The following GFRA1 variants were observed in gnomAD, a reference collection of about 807,000 sequenced individuals.
The protein encoded by GFRA1 is GDNF family receptor alpha-1.
A neutral mutation model predicts 51.6 loss-of-function variants in GFRA1; 16 were observed. That is an observed-to-expected ratio of 0.31 (90% CI 0.21 to 0.47). The LOEUF (loss-of-function observed/expected upper bound fraction) is 0.47, where lower values mean the gene tolerates loss of function less well. GFRA1 is among the 20% of genes least tolerant of loss of function. The pLI, the probability that GFRA1 is intolerant of heterozygous loss-of-function variation, is 1.00. For missense variants in GFRA1, 530 were observed against 594.3 expected (o/e 0.89, Z 1.13); for synonymous variants, 270 against 241.3 (o/e 1.12, Z -1.10).
intron 5 of GFRA1, among the ~76,000 whole-genome samples, chr10:116,189,612 G>A (rs1963068797): frequency 6.6e-6 from 1 of 152,098 alleles, no homozygotes; most frequent in Non-Finnish European, 1.5e-5. Flanking sequence ...ACATAAACAG[G>A]TTCTGAAATT....
At position 116,057,702 on chromosome 10, in the gene GFRA1, C is replaced by T; in HGVS notation, c.*6696G>A. ...AGAAGAAGATAGATAATGAGGAGAA[C>T]TATAAGGCCCTGGATTCAGGTTTCT... is the stretch of plus-strand genomic sequence containing the variant. On this transcript the variant is annotated 3_prime_UTR_variant, in exon 11 of 11. Transcript: ENST00000355422. 1 of 151,222 alleles carries T rather than the reference C, an allele frequency of 6.6e-6. No homozygotes were observed. The highest frequency in any genetic ancestry group is 2.0e-4 in the East Asian group (1 of 5,098). The allele number at this position is 151,222 out of a possible 1,614,324, so 9.4% of individuals were successfully genotyped here. A position where few individuals can be genotyped will look rare whatever the true frequency, so the allele number is the denominator to read the frequency against.
Position 116,061,903 on chromosome 10 carries a change from A to G in GFRA1, c.*2495T>C, listed in dbSNP as rs1481445777. 3 of 398,050 alleles carry G rather than the reference A, an allele frequency of 7.5e-6. No individual in the cohort carries two copies. The highest frequency in any genetic ancestry group is 1.3e-5 in the Non-Finnish European group (3 of 225,948). 24.7% of individuals were successfully genotyped at this position (398,050 alleles called of 1,614,324 possible). A position where few individuals can be genotyped will look rare whatever the true frequency, so the allele number is the denominator to read the frequency against. ...GAAACCTTGCTTGGCTTGCTTTGAT[A>G]AGAATCTCTCTAACGTGTTGTCCCT... On this transcript the variant is annotated 3_prime_UTR_variant, in exon 11 of 11. Transcript: ENST00000355422.
intron 5 of GFRA1, among the ~76,000 whole-genome samples, chr10:116,138,782 G>A (rs559436487): frequency 6.6e-6 from 1 of 152,104 alleles, no homozygotes; most frequent in South Asian, 2.1e-4. Flanking sequence ...TTTTAATGGA[G>A]TGTTGGTGAG....
At chr10:116,129,295 C>G (rs1470025473) in intron 5 of GFRA1, among the ~76,000 whole-genome samples, 2 of 152,152 alleles carry the variant, frequency 1.3e-5, no homozygotes, top group African/African-American at 4.8e-5. Context: ...CTTTAGTAAA[C>G]TGTATTTAGC....
intron 5 of GFRA1, among the ~76,000 whole-genome samples, chr10:116,135,221 C>G (rs1958272244): frequency 6.6e-6 from 1 of 152,214 alleles, no homozygotes; most frequent in Admixed American, 6.5e-5. Context: ...GGCAGCTTAG[C>G]GTTATTTAAT....
At chr10:116,214,258 T>C (rs1965410915) in intron 4 of GFRA1, among the ~76,000 whole-genome samples, 1 of 152,256 alleles carries the variant, frequency 6.6e-6, no homozygotes, top group Non-Finnish European at 1.5e-5. Flanking sequence ...TTTCCACTTC[T>C]GTGCTCCTGG....
At chr10:116,068,135 A>G (rs1280604488) in intron 9 of GFRA1, among the ~76,000 whole-genome samples, 3 of 152,226 alleles carry the variant, frequency 2.0e-5, no homozygotes, top group Non-Finnish European at 4.4e-5. Flanking sequence ...GGATGCTCTG[A>G]GAAAATGCCT....
chr10:116,195,895 C>A (rs1565642601), intron 5 of GFRA1, among the ~76,000 whole-genome samples: 1 of 152,162 alleles, frequency 6.6e-6, no homozygotes, highest in African/African-American at 2.4e-5. Flanking sequence ...CTAAACTTCT[C>A]TGAATGTATG....
At chr10:116,126,960 G>A (rs183985947) in intron 5 of GFRA1, among the ~76,000 whole-genome samples, 7 of 152,216 alleles carry the variant, frequency 4.6e-5, no homozygotes, top group East Asian at 3.9e-4. Context: ...GATAAACCTC[G>A]AGGACATTAT....
upstream of GFRA1, among the ~76,000 whole-genome samples, chr10:116,273,668 TC>T (rs1844113880): frequency 2.1e-4 from 13 of 61,582 alleles, no homozygotes; most frequent in African/African-American, 8.9e-4. Context: ...TCTCTCTCTC[TC>T]TGTCTCTCTC....
chr10:116,075,706 T>A (rs1955589213), intron 9 of GFRA1, among the ~76,000 whole-genome samples: 1 of 152,184 alleles, frequency 6.6e-6, no homozygotes, highest in Non-Finnish European at 1.5e-5. Flanking sequence ...TGATCACTTG[T>A]CAGGCATCAG....
chr10:116,085,066 A>G (rs1956035373), intron 9 of GFRA1, among the ~76,000 whole-genome samples: 2 of 152,192 alleles, frequency 1.3e-5, no homozygotes, highest in Admixed American at 1.3e-4. Context: ...TCAGGGGGTT[A>G]GCACTTGGAC....
At chr10:116,083,032 C>T (rs1384271227) in intron 9 of GFRA1, among the ~76,000 whole-genome samples, 1 of 152,134 alleles carries the variant, frequency 6.6e-6, no homozygotes, top group African/African-American at 2.4e-5. Flanking sequence ...ACCAAGAGCT[C>T]AGTGGTGTTT....
intron 5 of GFRA1, among the ~76,000 whole-genome samples, chr10:116,130,864 A>G (rs1165068411): frequency 6.6e-6 from 1 of 152,170 alleles, no homozygotes; most frequent in African/African-American, 2.4e-5. Context: ...AGCTAGACAA[A>G]TATTTCTGAG....
chr10:116,169,548 A>G (rs1960826740), intron 5 of GFRA1, among the ~76,000 whole-genome samples: 1 of 152,224 alleles, frequency 6.6e-6, no homozygotes, highest in South Asian at 2.1e-4. Flanking sequence ...AGGAGAGAAG[A>G]GAAGAAGTGT....
intron 9 of GFRA1, among the ~76,000 whole-genome samples, chr10:116,071,383 G>A (rs909075254): frequency 3.9e-5 from 6 of 152,244 alleles, no homozygotes; most frequent in Non-Finnish European, 8.8e-5. Context: ...AGGCCCAGGG[G>A]TGCCAAATTT....
At chr10:116,093,484 T>C (rs1041379158) in intron 8 of GFRA1, among the ~76,000 whole-genome samples, 2 of 152,190 alleles carry the variant, frequency 1.3e-5, no homozygotes, top group Non-Finnish European at 2.9e-5. Context: ...CTGGGTTCCC[T>C]GCTGCATTAC....
chr10:116,198,826 G>A (rs2577377), intron 5 of GFRA1, among the ~76,000 whole-genome samples: 18 of 152,120 alleles, frequency 1.2e-4, no homozygotes, highest in Admixed American at 8.5e-4. Flanking sequence ...TTCTCCCCTC[G>A]AACCTCAGCA....
rs1843982384 is a variant in GFRA1, at chr10:116,271,983, G to C, written c.40+7C>G. The C allele has an allele frequency of 3.9e-6, 6 of 1,554,258 alleles. No individual in the cohort carries two copies. Among genetic ancestry groups the C allele is most frequent in the Non-Finnish European group, 5.2e-6 (6 of 1,148,818 alleles). ...GGTAAGAAAGCCCGCGGCGGGCCTCGACTTACCCAAGAGCGGCAGCGCGAA... is the reference window on the plus strand; with the variant it reads ...GGTAAGAAAGCCCGCGGCGGGCCTCCACTTACCCAAGAGCGGCAGCGCGAA... On this transcript the variant is annotated splice_region_variant and intron_variant, in intron 2 of 10. Transcript: ENST00000355422.
Sources: gnomAD v4.1 joint callset for allele counts (sites outside exome capture counted in the v4.1 genomes callset) on GRCh38, gnomAD v4.1.1 for gene constraint, MANE v1.5 for transcripts, NCBI Gene and HGNC (gene_info 2026-07-23, HGNC 2026-07-21) for gene names.